MAGI2: variants seen among roughly 807,000 people sequenced by gnomAD.
The protein encoded by MAGI2 is membrane-associated guanylate kinase, WW and PDZ domain-containing protein 2.
In MAGI2, 35 loss-of-function variants were observed where a neutral mutation model predicts 133.3. That is an observed-to-expected ratio of 0.26 (90% confidence interval 0.20 to 0.35). The LOEUF (loss-of-function observed/expected upper bound fraction) is 0.35. Ranked by LOEUF, MAGI2 falls within the 10% of genes least tolerant of loss-of-function variation. The pLI, the probability that MAGI2 is intolerant of heterozygous loss-of-function variation, is 1.00. For missense variants in MAGI2, 1,636 were observed against 1,863.4 expected (o/e 0.88, Z 2.25); for synonymous variants, 729 against 710.6 (o/e 1.03, Z -0.41).
intron 1 of MAGI2, among the ~76,000 whole-genome samples, chr7:79,050,026 A>C (rs1056272657): frequency 3.9e-5 from 6 of 152,066 alleles, no homozygotes; most frequent in Admixed American, 3.3e-4. Flanking sequence ...TTCCCTGCAC[A>C]TTTTGTTTTT....
chr7:78,527,006 CAAAAAAAAAAAAAA>C lies in MAGI2; in HGVS notation c.539-5375_539-5362del, dbSNP rs55707442. On this transcript the variant is annotated intron_variant, in intron 3 of 21. Coordinates refer to ENST00000354212, the MANE Select transcript of MAGI2 (RefSeq NM_012301.4). ...ATGGTGACAGGGCAAGACTCCATCTCAAAAAAAAAAAAAAAAAAAAAAAAAAAAGAAAAAGAAAA... is the reference window on the plus strand; with the variant it reads ...ATGGTGACAGGGCAAGACTCCATCTCAAAAAAAAAAAAAAGAAAAAGAAAA... Among the ~76,000 whole-genome samples the C allele has an allele frequency of 6.6e-5, 3 of 45,430 alleles. No individual in the cohort carries two copies. The Admixed American group carries it at 1.0e-3, about 16-fold the overall frequency. The allele number at this position is 45,430 out of a possible 152,430, so 29.8% of individuals were successfully genotyped here.
rs537463545 is a variant in MAGI2 at position 79,135,618 on chromosome 7, C to T, written c.302-128412G>A. Among the ~76,000 whole-genome samples the T allele has an allele frequency of 7.0e-4, 106 of 152,232 alleles. 1 individual carries two copies. The highest frequency in any genetic ancestry group is 1.3e-3 in the Non-Finnish European group (90 of 68,028). On this transcript the variant is annotated intron_variant, in intron 1 of 21. Transcript: ENST00000354212. ...TTGACATCTTCCTTTTCTGTTTCTT[C>T]CTCCATCTGAAAAACAATCTTTACA...
intron 2 of MAGI2, among the ~76,000 whole-genome samples, chr7:78,750,347 T>G (rs1220658888): frequency 2.6e-5 from 4 of 152,176 alleles, no homozygotes; most frequent in Admixed American, 2.6e-4. Flanking sequence ...AACATATGTG[T>G]GTACGTGTGC....
intron 4 of MAGI2, 52 bp from the exon 5 acceptor site, chr7:78,501,839 G>T: frequency 1.5e-6 from 2 of 1,340,220 alleles, no homozygotes; most frequent in South Asian, 1.2e-5. Context: ...GGTAACTCTG[G>T]ACTGAGTATG....
chr7:78,984,707 C>T (rs902353253), intron 2 of MAGI2, among the ~76,000 whole-genome samples: 1 of 151,854 alleles, frequency 6.6e-6, no homozygotes, highest in Non-Finnish European at 1.5e-5. Flanking sequence ...ACCCACACTA[C>T]CCCACCCACA....
intron 1 of MAGI2, among the ~76,000 whole-genome samples, chr7:79,376,555 T>G (rs995597970): frequency 1.3e-5 from 2 of 151,814 alleles, no homozygotes; most frequent in African/African-American, 4.8e-5. Context: ...ATGGTTGGAT[T>G]TCAGGAGAAG....
intron 1 of MAGI2, among the ~76,000 whole-genome samples, chr7:79,340,765 T>C (rs1395004380): frequency 6.6e-6 from 1 of 152,104 alleles, no homozygotes; most frequent in Non-Finnish European, 1.5e-5. Context: ...AACGTGTGTA[T>C]ATGAATGTCC....
At chr7:78,440,915 T>G (rs1787558216) in intron 6 of MAGI2, among the ~76,000 whole-genome samples, 1 of 152,056 alleles carries the variant, frequency 6.6e-6, no homozygotes, top group Non-Finnish European at 1.5e-5. Flanking sequence ...ATCGCACCAC[T>G]GCACTCCCAC....
intron 3 of MAGI2, among the ~76,000 whole-genome samples, chr7:78,579,473 T>A (rs67888858): frequency 0.42 from 64,119 of 151,922 alleles, 13,805 homozygotes; most frequent in Middle Eastern, 0.53. Context: ...ACAAAAGGTA[T>A]CCCACCTCCC....
intron 9 of MAGI2, among the ~76,000 whole-genome samples, chr7:78,298,330 T>C (rs1314018563): frequency 6.6e-6 from 1 of 152,126 alleles, no homozygotes; most frequent in Non-Finnish European, 1.5e-5. Flanking sequence ...AAAAGAACAT[T>C]AAGTAAAAAC....
intron 6 of MAGI2, among the ~76,000 whole-genome samples, chr7:78,399,598 A>C (rs1305761052): frequency 1.3e-5 from 2 of 152,148 alleles, no homozygotes; most frequent in African/African-American, 4.8e-5. Context: ...TGTGGTCAGC[A>C]GTTCCAGACC....
chr7:78,989,201 C>T (rs984638259), intron 2 of MAGI2, among the ~76,000 whole-genome samples: 5 of 151,964 alleles, frequency 3.3e-5, no homozygotes, highest in African/African-American at 1.2e-4. Flanking sequence ...TCTCATCTTT[C>T]CTGTAAATAA....
chr7:79,015,818 G>A (rs1046658516), intron 1 of MAGI2, among the ~76,000 whole-genome samples: 3 of 152,100 alleles, frequency 2.0e-5, no homozygotes, highest in Non-Finnish European at 2.9e-5. Flanking sequence ...TGTTATACAT[G>A]TACAGCATCC....
chr7:79,085,252 T>A (rs1269487632), intron 1 of MAGI2, among the ~76,000 whole-genome samples: 1 of 151,900 alleles, frequency 6.6e-6, no homozygotes, highest in Non-Finnish European at 1.5e-5. Context: ...AGTTCAAATC[T>A]GCTACTGAGC....
intron 10 of MAGI2, among the ~76,000 whole-genome samples, chr7:78,242,126 T>C (rs1791214374): frequency 6.6e-6 from 1 of 152,200 alleles, no homozygotes; most frequent in Admixed American, 6.5e-5. Context: ...TCCCAGTCTC[T>C]TATGACCAGT....
intron 1 of MAGI2, among the ~76,000 whole-genome samples, chr7:79,289,484 A>G (rs1836288979): frequency 6.6e-6 from 1 of 152,192 alleles, no homozygotes; most frequent in Non-Finnish European, 1.5e-5. Context: ...CGTAAAATCA[A>G]TTAAGTAACA....
intron 2 of MAGI2, among the ~76,000 whole-genome samples, chr7:78,666,798 C>T (rs1002620576): frequency 7.2e-5 from 11 of 152,150 alleles, no homozygotes; most frequent in East Asian, 1.9e-4. Context: ...TCAAAGGTAG[C>T]GAATGCTTTG....
chr7:78,591,699 C>G (rs1804021668), intron 3 of MAGI2, among the ~76,000 whole-genome samples: 1 of 152,172 alleles, frequency 6.6e-6, no homozygotes. Flanking sequence ...GCTCCTCACC[C>G]ACTCTCCCTA....
chr7:78,588,977 C>G (rs1803703923), intron 3 of MAGI2, among the ~76,000 whole-genome samples: 1 of 152,072 alleles, frequency 6.6e-6, no homozygotes, highest in South Asian at 2.1e-4. Flanking sequence ...GTAGGAATTC[C>G]CAAGCTTCTT....
Sources: gnomAD v4.1 joint callset for allele counts (sites outside exome capture counted in the v4.1 genomes callset) on GRCh38, gnomAD v4.1.1 for gene constraint, MANE v1.5 for transcripts, NCBI Gene and HGNC (gene_info 2026-07-23, HGNC 2026-07-21) for gene names.